ADARB2: variants seen among roughly 807,000 people sequenced by gnomAD.
ADARB2 encodes the protein inactive double-stranded RNA-specific editase B2.
Under a neutral mutation model 62.2 loss-of-function variants are expected in ADARB2, and 25 were observed. That is an observed-to-expected ratio of 0.40 (90% CI 0.29 to 0.56). The LOEUF (loss-of-function observed/expected upper bound fraction) is 0.56. Ranked by LOEUF, ADARB2 falls within the 20% of genes least tolerant of loss-of-function variation. ADARB2 has a pLI of 0.43. For missense variants in ADARB2, 1,071 were observed against 1,077.4 expected (o/e 0.99, Z 0.08); for synonymous variants, 572 against 500.8 (o/e 1.14, Z -1.90).
chr10:1,358,012 A>C (rs1486443546), intron 3 of ADARB2, among the ~76,000 whole-genome samples: 1 of 111,528 alleles, frequency 9.0e-6, no homozygotes, highest in Admixed American at 9.0e-5. Context: ...ACATATGTGC[A>C]TGTGCATCCT....
At chr10:1,579,152 G>T (rs1564336895) in intron 1 of ADARB2, among the ~76,000 whole-genome samples, 2 of 152,194 alleles carry the variant, frequency 1.3e-5, no homozygotes, top group Non-Finnish European at 1.5e-5. Flanking sequence ...CAAGTACTTA[G>T]AGTCAGGCAG....
At chr10:1,544,954 T>TACACACACACACACACACACACAC (rs1418832536) in intron 1 of ADARB2, among the ~76,000 whole-genome samples, 3 of 4,600 alleles carry the variant, frequency 6.5e-4, no homozygotes, top group East Asian at 0.01. Flanking sequence ...AATAGCAAAG[T>TACACACACACACACACACACACAC]ATACACACAC....
At chr10:1,428,073 T>C (rs1027175283) in intron 1 of ADARB2, among the ~76,000 whole-genome samples, 2 of 150,670 alleles carry the variant, frequency 1.3e-5, no homozygotes, top group Admixed American at 6.6e-5. Context: ...CAGGTTCAAG[T>C]GATTCTTGTG....
At chr10:1,588,308 G>A (rs747814870) in intron 1 of ADARB2, among the ~76,000 whole-genome samples, 1 of 152,184 alleles carries the variant, frequency 6.6e-6, no homozygotes, top group Non-Finnish European at 1.5e-5. Flanking sequence ...TACCCCGGAT[G>A]CTATGTCAAG....
At chr10:1,608,671 A>C (rs1203451148) in intron 1 of ADARB2, among the ~76,000 whole-genome samples, 1 of 150,924 alleles carries the variant, frequency 6.6e-6, no homozygotes, top group Admixed American at 6.6e-5. Context: ...GAAGGAAGAA[A>C]AAATGGAAGG....
chr10:1,665,575 TCCAGC>T (rs747723019), intron 1 of ADARB2, among the ~76,000 whole-genome samples: 1 of 152,236 alleles, frequency 6.6e-6, no homozygotes, highest in Non-Finnish European at 1.5e-5. Context: ...CATGCCGGGG[TCCAGC>T]CCAGGGCTGT....
intron 3 of ADARB2, among the ~76,000 whole-genome samples, chr10:1,331,603 G>A (rs1006584315): frequency 6.6e-6 from 1 of 152,152 alleles, no homozygotes; most frequent in African/African-American, 2.4e-5. Context: ...AATGCTAACA[G>A]GTTTGTTGTG....
At position 1,252,164 on chromosome 10, in the gene ADARB2, T is replaced by C. The variant is rs559652530; in HGVS notation, c.1193-9865A>G. ...TCCAATGTTTTAAAGGTAAATTTCT[T>C]ATACTGTATCTGGTTTTGGAGGAAA... On this transcript the variant is annotated intron_variant, in intron 4 of 9. Transcript: ENST00000381312. 2.0e-5 allele frequency among the ~76,000 whole-genome samples: 3 copies of C among 152,222 alleles called. 1 individual carries two copies. The South Asian group carries it at 6.2e-4, about 32-fold the overall frequency.
At chr10:1,334,782 G>A (rs1831958814) in intron 3 of ADARB2, among the ~76,000 whole-genome samples, 1 of 152,168 alleles carries the variant, frequency 6.6e-6, no homozygotes, top group Non-Finnish European at 1.5e-5. Flanking sequence ...TGAAGCACCT[G>A]TGTGTAGCTG....
chr10:1,581,606 C>A (rs973153605), intron 1 of ADARB2, among the ~76,000 whole-genome samples: 3 of 152,146 alleles, frequency 2.0e-5, no homozygotes, highest in African/African-American at 4.8e-5. Flanking sequence ...ATACTACTCA[C>A]CTCATGGATA....
At chr10:1,580,547 G>C (rs577681429) in intron 1 of ADARB2, among the ~76,000 whole-genome samples, 1 of 149,678 alleles carries the variant, frequency 6.7e-6, no homozygotes, top group East Asian at 2.0e-4. Flanking sequence ...GCAGTTTGTG[G>C]TTCTCAGCAA....
At chr10:1,620,031 G>T (rs996825749) in intron 1 of ADARB2, among the ~76,000 whole-genome samples, 1 of 151,876 alleles carries the variant, frequency 6.6e-6, no homozygotes, top group African/African-American at 2.4e-5. Context: ...AAATTTATGG[G>T]GTGCAACTAA....
intron 1 of ADARB2, among the ~76,000 whole-genome samples, chr10:1,693,486 A>T (rs1273651903): frequency 6.6e-6 from 1 of 152,220 alleles, no homozygotes; most frequent in Non-Finnish European, 1.5e-5. Context: ...TCAAAATAAT[A>T]ATCTGAGATA....
chr10:1,390,356 G>T (rs1832559604), intron 1 of ADARB2, among the ~76,000 whole-genome samples: 1 of 152,210 alleles, frequency 6.6e-6, no homozygotes, highest in African/African-American at 2.4e-5. Context: ...GAAATGAAAA[G>T]ATGCTGTATT....
chr10:1,192,811 C>A (rs559228311), intron 8 of ADARB2, among the ~76,000 whole-genome samples: 2 of 152,182 alleles, frequency 1.3e-5, no homozygotes, highest in Non-Finnish European at 1.5e-5. Context: ...AGCCTGGTGG[C>A]GGGTGCCTGT....
At chr10:1,243,804 C>T (rs1830950852) in intron 4 of ADARB2, among the ~76,000 whole-genome samples, 2 of 152,242 alleles carry the variant, frequency 1.3e-5, no homozygotes, top group African/African-American at 2.4e-5. Flanking sequence ...CCCATGTCCA[C>T]TGCTCTCTCC....
intron 1 of ADARB2, chr10:1,676,171 C>T (rs1011982690): frequency 2.4e-5 from 10 of 419,466 alleles, no homozygotes; most frequent in Admixed American, 6.4e-5. Flanking sequence ...GTGAGTTAAT[C>T]GGTAGTTGGG....
At chr10:1,548,472 T>C (rs1270386305) in intron 1 of ADARB2, among the ~76,000 whole-genome samples, 1 of 152,188 alleles carries the variant, frequency 6.6e-6, no homozygotes, top group East Asian at 1.9e-4. Context: ...GTGAATACAC[T>C]GTGTAGGTCC....
chr10:1,470,518 T>C (rs569639857), intron 1 of ADARB2, among the ~76,000 whole-genome samples: 1 of 152,246 alleles, frequency 6.6e-6, no homozygotes, highest in Non-Finnish European at 1.5e-5. Context: ...CATGACTAAC[T>C]CAAAATAACA....
Sources: gnomAD v4.1 joint callset for allele counts (sites outside exome capture counted in the v4.1 genomes callset) on GRCh38, gnomAD v4.1.1 for gene constraint, MANE v1.5 for transcripts, NCBI Gene and HGNC (gene_info 2026-07-23, HGNC 2026-07-21) for gene names.